CELSR1: variants seen among roughly 807,000 people sequenced by gnomAD.
CELSR1 encodes adhesion G protein-coupled receptor C1.
A neutral mutation model predicts 249.1 loss-of-function variants in CELSR1; 110 were observed. That is an observed-to-expected ratio of 0.44 (90% CI 0.38 to 0.52). The LOEUF is 0.52. Among genes scored for constraint, CELSR1 ranks in the 20% least tolerant of loss-of-function variants. CELSR1 has a pLI of 0.00. For synonymous variants in CELSR1, 2,113 were observed against 1,900.0 expected (o/e 1.11, Z -2.92); for missense variants, 4,109 against 4,296.4 (o/e 0.96, Z 1.22).
chr22:46,532,719 CA>C (rs2080804508), intron 1 of CELSR1, among the ~76,000 whole-genome samples: 1 of 152,180 alleles, frequency 6.6e-6, no homozygotes, highest in South Asian at 2.1e-4. Flanking sequence ...CACGGTCAGG[CA>C]AACCTCAAAG....
rs1242871457 is a variant in CELSR1 at position 46,362,077 on chromosome 22, GAGTT to G, written c.*1142_*1145del. On this transcript the variant is annotated 3_prime_UTR_variant, in exon 35 of 35. Coordinates refer to ENST00000674500, the MANE Select transcript of CELSR1 (RefSeq NM_001378328.1). ...GCCTGGAGATCCTCGCAGTCTCAGAGAGTTAGAGAATTGGCAGGAGGTATGTAAC... is the reference window on the plus strand; with the variant it reads ...GCCTGGAGATCCTCGCAGTCTCAGAGAGAGAATTGGCAGGAGGTATGTAAC... 3 of 152,280 alleles carry G rather than the reference GAGTT, an allele frequency of 2.0e-5. No homozygotes were observed. Among genetic ancestry groups the G allele is most frequent in the African/African-American group, 4.8e-5 (2 of 41,470 alleles). The allele number at this position is 152,280 out of a possible 1,614,324, so 9.4% of individuals were successfully genotyped here. A position where few individuals can be genotyped will look rare whatever the true frequency, so the allele number is the denominator to read the frequency against.
chr22:46,422,780 A>AAAAAAAAAAAAAAAAAAAAAAAG (rs1337523194), intron 5 of CELSR1, among the ~76,000 whole-genome samples: 1 of 148,576 alleles, frequency 6.7e-6, no homozygotes, highest in Non-Finnish European at 1.5e-5. Context: ...AAAAAAAAAA[A>AAAAAAAAAAAAAAAAAAAAAAAG]TGGCTCATAG....
chr22:46,420,067 C>T (rs768029561), intron 5 of CELSR1, among the ~76,000 whole-genome samples: 46 of 149,538 alleles, frequency 3.1e-4, no homozygotes, highest in Non-Finnish European at 5.2e-4. Flanking sequence ...CCCACACGTG[C>T]GCTCATACTC....
Position 46,440,563 on chromosome 22 carries a change from G to C in CELSR1, c.4184-1152C>G, listed in dbSNP as rs1035941683. Among the ~76,000 whole-genome samples, 1 of 152,128 alleles carries C rather than the reference G, an allele frequency of 6.6e-6. No individual in the cohort carries two copies. The highest frequency in any genetic ancestry group is 1.5e-5 in the Non-Finnish European group (1 of 68,030). ...ATGGATCTCAACGATCTTTTCATTT[G>C]CATTTATCTTTGATGAGGCCAGCAT... On this transcript the variant is annotated intron_variant, in intron 2 of 34. Transcript: ENST00000674500. This position sits in a 1 kb window ranked among gnomAD's most constrained non-coding sequence, Gnocchi z 4.7.
chr22:46,371,960 A>C, intron 25 of CELSR1, among the ~76,000 whole-genome samples: 1 of 126,116 alleles, frequency 7.9e-6, no homozygotes, highest in African/African-American at 3.1e-5. Flanking sequence ...CATCCCTCCC[A>C]TCCATCCACT....
chr22:46,437,413 G>A lies in CELSR1; in HGVS notation c.4407-1124C>T, dbSNP rs188261981. Among the ~76,000 whole-genome samples, 2 of 152,226 alleles carry A rather than the reference G, an allele frequency of 1.3e-5. No individual in the cohort carries two copies. The highest frequency in any genetic ancestry group is 2.4e-5 in the African/African-American group (1 of 41,522). On this transcript the variant is annotated intron_variant, in intron 3 of 34. Coordinates refer to ENST00000674500, the MANE Select transcript of CELSR1 (RefSeq NM_001378328.1). This position sits in a 1 kb window ranked among gnomAD's most constrained non-coding sequence, Gnocchi z 4.9. ...TATCCATTTTCCTGCAGCAGGAGTC[G>A]GCCCGAGCCAGCCTCGAGCATCTGA...
In CELSR1 at chr22:46,518,761, C is replaced by T. The variant is rs1274792192; in HGVS notation, c.3544+14866G>A. On this transcript the variant is annotated intron_variant, in intron 1 of 34. Transcript: ENST00000674500. This position sits in a 1 kb window ranked among gnomAD's most constrained non-coding sequence, Gnocchi z 5.2. The stretch of plus-strand genomic sequence containing the variant: ...TATAAAGACTCCAGTTGTGGCTGGG[C>T]GCGGTGGCTCGCCTGTAATCCAGCA... Among the ~76,000 whole-genome samples, 1 of 152,140 alleles carries T rather than the reference C, an allele frequency of 6.6e-6. No individual in the cohort carries two copies. The highest frequency in any genetic ancestry group is 1.9e-4 in the East Asian group (1 of 5,192).
At chr22:46,514,709 G>A (rs968341362) in intron 1 of CELSR1, among the ~76,000 whole-genome samples, 8 of 152,170 alleles carry the variant, frequency 5.3e-5, no homozygotes, top group Non-Finnish European at 7.4e-5. Context: ...CTGCAGGGCC[G>A]AGGCTCACGG....
intron 1 of CELSR1, among the ~76,000 whole-genome samples, chr22:46,514,062 GT>G (rs2080601926): frequency 6.6e-6 from 1 of 152,024 alleles, no homozygotes; most frequent in South Asian, 2.1e-4. Flanking sequence ...CAAAGTGCTG[GT>G]ATTACAGGCA....
At chr22:46,382,528 G>A (rs1002901222) in intron 20 of CELSR1, among the ~76,000 whole-genome samples, 6 of 151,982 alleles carry the variant, frequency 3.9e-5, no homozygotes, top group Admixed American at 6.6e-5. Flanking sequence ...CGCCCGCCTC[G>A]GCCTCCCAAA....
chr22:46,481,307 T>C (rs2147663747), intron 1 of CELSR1: 2 of 607,714 alleles, frequency 3.3e-6, no homozygotes, highest in South Asian at 4.5e-5. Context: ...TCAGCCCCGA[T>C]GGCCACTGGC....
intron 1 of CELSR1, among the ~76,000 whole-genome samples, chr22:46,515,998 C>A (rs2080623567): frequency 6.6e-6 from 1 of 152,226 alleles, no homozygotes; most frequent in African/African-American, 2.4e-5. Flanking sequence ...AACACTTTTA[C>A]ACTGTTGGTG....
At position 46,411,628 on chromosome 22, in the gene CELSR1, G is replaced by C. The variant is rs2079336464; in HGVS notation, c.4743C>G (p.Ala1581=). The C allele has an allele frequency of 6.2e-7, 1 of 1,614,172 alleles. No homozygotes were observed. The highest frequency in any genetic ancestry group is 2.2e-5 in the East Asian group (1 of 44,876). Residue 1581 remains alanine (A), a synonymous_variant, in exon 6 of 35, where the codon GCC becomes GCG. Coordinates refer to ENST00000674500, the MANE Select transcript of CELSR1 (RefSeq NM_001378328.1). The surrounding 1 kb of genome is among the most constrained non-coding windows in gnomAD (Gnocchi z 4.2). ...GKDIGNYSCA[A]QGTQTGSKKS... Reference sequence around the variant, plus strand: ...TCTTGGAGCCGGTCTGAGTGCCCTGGGCAGCGCAGCTGTAGTTCCCGATGT... The same window carrying C: ...TCTTGGAGCCGGTCTGAGTGCCCTGCGCAGCGCAGCTGTAGTTCCCGATGT...
intron 1 of CELSR1, among the ~76,000 whole-genome samples, chr22:46,497,602 G>A (rs1191100041): frequency 6.6e-6 from 1 of 152,140 alleles, no homozygotes; most frequent in African/African-American, 2.4e-5. Flanking sequence ...TGCCATTGGA[G>A]TTAGGGCCCC....
At chr22:46,377,417 G>T in intron 23 of CELSR1, 156 bp from the exon 24 acceptor site, 2 of 762,110 alleles carry the variant, frequency 2.6e-6, no homozygotes, top group Non-Finnish European at 4.3e-6. Flanking sequence ...ATGGCTCTGG[G>T]CCTGGAACTG....
At chr22:46,377,436 G>C (rs948453709) in intron 23 of CELSR1, 175 bp from the exon 24 acceptor site, 5 of 687,930 alleles carry the variant, frequency 7.3e-6, no homozygotes, top group Non-Finnish European at 1.2e-5. Context: ...TGCCCCTCCT[G>C]AGGCTCCTTC....
intron 25 of CELSR1, among the ~76,000 whole-genome samples, chr22:46,370,488 G>C (rs187006720): frequency 6.6e-6 from 1 of 152,048 alleles, no homozygotes; most frequent in African/African-American, 2.4e-5. Context: ...TTAGATAGAG[G>C]AAGAAATGCT....
At position 46,468,383 on chromosome 22, in the gene CELSR1, C is replaced by T. The variant is rs2080120415; in HGVS notation, c.3545-4038G>A. ...CCTGGGCAACAAAGCAAGACTCTGT[C>T]TCAAAAAAAAAAAAAAATGTGGTCC... On this transcript the variant is annotated intron_variant, in intron 1 of 34. Coordinates refer to ENST00000674500, the MANE Select transcript of CELSR1 (RefSeq NM_001378328.1). The surrounding 1 kb of genome is among the most constrained non-coding windows in gnomAD (Gnocchi z 4.5). Among the ~76,000 whole-genome samples the T allele has an allele frequency of 3.1e-5, 2 of 64,254 alleles. No individual in the cohort carries two copies. Among genetic ancestry groups the T allele is most frequent in the Non-Finnish European group, 6.5e-5 (2 of 30,672 alleles). 42.2% of individuals were successfully genotyped at this position (64,254 alleles called of 152,430 possible).
intron 19 of CELSR1, among the ~76,000 whole-genome samples, chr22:46,385,689 T>G (rs2147233749): frequency 1.3e-5 from 2 of 151,146 alleles, no homozygotes; most frequent in East Asian, 3.9e-4. Context: ...TTTTTTTTTT[T>G]TTTTTTGAGA....
Sources: gnomAD v4.1 joint callset for allele counts (sites outside exome capture counted in the v4.1 genomes callset) on GRCh38, gnomAD v4.1.1 for gene constraint, Gnocchi (gnomAD v3.1) non-coding constraint, MANE v1.5 for transcripts, NCBI Gene and HGNC (gene_info 2026-07-23, HGNC 2026-07-21) for gene names.